Variants in MRAS observed in about 807,000 individuals in gnomAD.
MRAS encodes muscle RAS oncogene homolog, also known as ras-related protein M-Ras.
In MRAS, 4 loss-of-function variants were observed where a neutral mutation model predicts 20.9. The observed-to-expected ratio is 0.19, with a 90% CI of 0.09 to 0.44. The LOEUF (loss-of-function observed/expected upper bound fraction) is 0.44, where lower values mean the gene tolerates loss of function less well. Ranked by LOEUF, MRAS falls within the 20% of genes least tolerant of loss-of-function variation. The pLI is 0.99. For synonymous variants in MRAS, 98 were observed against 102.9 expected, an observed-to-expected ratio of 0.95 and a Z score of 0.29; for missense variants, 154 against 277.5, an observed-to-expected ratio of 0.56 and a Z score of 3.16.
chr3:138,396,164 A>G (rs891163870), intron 2 of MRAS, among the ~76,000 whole-genome samples: 6 of 152,064 alleles, frequency 3.9e-5, no homozygotes, highest in Non-Finnish European at 5.9e-5. Context: ...GGGAGAGAAG[A>G]CCCCAGTGAG....
intron 2 of MRAS, among the ~76,000 whole-genome samples, chr3:138,397,122 AC>A (rs1217958551): frequency 6.6e-6 from 1 of 152,096 alleles, no homozygotes; most frequent in Non-Finnish European, 1.5e-5. Flanking sequence ...TCAGAGCCTC[AC>A]CCTGAAGCGG....
intron 2 of MRAS, among the ~76,000 whole-genome samples, chr3:138,378,123 C>T (rs752772527): frequency 3.3e-4 from 50 of 152,194 alleles, no homozygotes; most frequent in Non-Finnish European, 6.6e-4. Context: ...GCTGAACTAT[C>T]ATACCTCTTC....
intron 1 of MRAS, among the ~76,000 whole-genome samples, chr3:138,361,382 A>G (rs1253076028): frequency 6.6e-6 from 1 of 152,074 alleles, no homozygotes; most frequent in Non-Finnish European, 1.5e-5. Context: ...ATAATGCTGG[A>G]GTGGTGGGTG....
intron 4 of MRAS, 136 bp downstream of exon 4, chr3:138,398,704 C>T (rs543411378): frequency 2.7e-6 from 2 of 727,354 alleles, no homozygotes; most frequent in African/African-American, 3.5e-5. Flanking sequence ...CTTGTTGCTA[C>T]TGAAATCCTG....
chr3:138,386,915 T>C (rs1173037955), intron 2 of MRAS, among the ~76,000 whole-genome samples: 1 of 152,246 alleles, frequency 6.6e-6, no homozygotes, highest in Non-Finnish European at 1.5e-5. Context: ...TTCAGTTCTC[T>C]TGGGTATATA....
At chr3:138,358,044 T>G (rs1367035171) in intron 1 of MRAS, among the ~76,000 whole-genome samples, 2 of 152,170 alleles carry the variant, frequency 1.3e-5, no homozygotes, top group Non-Finnish European at 2.9e-5. Flanking sequence ...CCTTGTCAGA[T>G]GTAAAGGGGT....
chr3:138,359,397 C>T (rs1271376134), intron 1 of MRAS, among the ~76,000 whole-genome samples: 1 of 152,122 alleles, frequency 6.6e-6, no homozygotes, highest in Non-Finnish European at 1.5e-5. Context: ...AGGAAGTTTC[C>T]CTTTTATTTG....
At chr3:138,379,515 G>A (rs1309334955) in intron 2 of MRAS, among the ~76,000 whole-genome samples, 5 of 151,882 alleles carry the variant, frequency 3.3e-5, no homozygotes, top group African/African-American at 4.8e-5. Context: ...CTGCCAACAC[G>A]CTCGGCTAAT....
intron 1 of MRAS, among the ~76,000 whole-genome samples, chr3:138,360,143 G>A (rs1056759703): frequency 1.3e-5 from 2 of 152,132 alleles, no homozygotes; most frequent in African/African-American, 4.8e-5. Context: ...AGCCTCTGCC[G>A]GCACGTGCAC....
chr3:138,359,103 C>G (rs557697611), intron 1 of MRAS, among the ~76,000 whole-genome samples: 77 of 152,304 alleles, frequency 5.1e-4, no homozygotes, highest in African/African-American at 1.4e-3. Flanking sequence ...CAATACTGAC[C>G]TTTGGACAGG....
Position 138,404,643 on chromosome 3 carries a change from C to G in MRAS, c.*2374C>G, listed in dbSNP as rs539820181. ...TGTTGAGCCTCTGGTAAGCTTTCAT[C>G]TCCCATGAACTCATTTCCCCATAAA... is the stretch of plus-strand genomic sequence containing the variant. On this transcript the variant is annotated 3_prime_UTR_variant, in exon 6 of 6. Transcript: ENST00000423968. 4 of 152,208 alleles carry G rather than the reference C, an allele frequency of 2.6e-5. No individual in the cohort carries two copies. The highest frequency in any genetic ancestry group is 5.9e-5 in the Non-Finnish European group (4 of 68,056). The allele number at this position is 152,208 out of a possible 1,614,324, so 9.4% of individuals were successfully genotyped here. A position where few individuals can be genotyped will look rare whatever the true frequency, so the allele number is the denominator to read the frequency against.
At chr3:138,350,079 A>G (rs2054196017) in intron 1 of MRAS, 2 of 152,326 alleles carry the variant, frequency 1.3e-5, no homozygotes, top group Admixed American at 6.5e-5. Flanking sequence ...ATTATTCACT[A>G]TAGACATTCA....
chr3:138,374,968 A>G (rs925468685), intron 2 of MRAS, among the ~76,000 whole-genome samples: 4 of 152,136 alleles, frequency 2.6e-5, no homozygotes, highest in African/African-American at 4.8e-5. Flanking sequence ...TGCAACCACA[A>G]AATACTGGGC....
chr3:138,369,453 C>T (rs567528984), intron 1 of MRAS, among the ~76,000 whole-genome samples: 2 of 152,146 alleles, frequency 1.3e-5, no homozygotes, highest in South Asian at 4.2e-4. Context: ...GGACCACAAA[C>T]CTGGTTGGGG....
rs1282551809 is a variant in MRAS, at chr3:138,404,110, T to C, written c.*1841T>C. 1 of 152,246 alleles carries C rather than the reference T, an allele frequency of 6.6e-6. No individual in the cohort carries two copies. The highest frequency in any genetic ancestry group is 1.5e-5 in the Non-Finnish European group (1 of 68,046). The allele number at this position is 152,246 out of a possible 1,614,324, so 9.4% of individuals were successfully genotyped here. On this transcript the variant is annotated 3_prime_UTR_variant, in exon 6 of 6. Coordinates refer to ENST00000423968, the MANE Select transcript of MRAS (RefSeq NM_001085049.3). Reference sequence around the variant, plus strand: ...CACTTCAAAGTTTCCTTAGACCCTATAGTGTTAAGAGGTATTTTAAACACT... The same window carrying C: ...CACTTCAAAGTTTCCTTAGACCCTACAGTGTTAAGAGGTATTTTAAACACT...
chr3:138,367,237 T>A (rs2054579018), intron 1 of MRAS, among the ~76,000 whole-genome samples: 1 of 152,184 alleles, frequency 6.6e-6, no homozygotes, highest in Admixed American at 6.5e-5. Flanking sequence ...ATGCCCTTGC[T>A]GAGGGGCCCT....
intron 1 of MRAS, among the ~76,000 whole-genome samples, chr3:138,357,976 A>T (rs1006971374): frequency 1.3e-5 from 2 of 152,198 alleles, no homozygotes; most frequent in Non-Finnish European, 2.9e-5. Context: ...CCAAATTTTC[A>T]TTACTTTTGA....
Position 138,397,420 on chromosome 3 carries a change from A to T in MRAS, c.290A>T (p.Lys97Met). Residue 97 changes from lysine (K) to methionine (M), a missense_variant, in exon 3 of 6, where the codon AAG becomes ATG. Around this residue, in one of 3 missense-constraint regions of MRAS, gnomAD observed 125 missense variants for 213.5 expected, o/e 0.59. Coordinates refer to ENST00000423968, the MANE Select transcript of MRAS (RefSeq NM_001085049.3). ...CTCATCGTCTACTCCGTCACTGACAAGGCCAGCTTTGAGCACGTGGACCGC... is the reference window on the plus strand; with the variant it reads ...CTCATCGTCTACTCCGTCACTGACATGGCCAGCTTTGAGCACGTGGACCGC... Reference protein sequence around the residue: ...GFLIVYSVTDKASFEHVDRFH... With the variant: ...GFLIVYSVTDMASFEHVDRFH... 1 of 1,614,210 alleles carries T rather than the reference A, an allele frequency of 6.2e-7. No individual in the cohort carries two copies. The highest frequency in any genetic ancestry group is 1.1e-5 in the South Asian group (1 of 91,088).
At chr3:138,349,543 C>G (rs2054185530) in intron 1 of MRAS, 1 of 152,444 alleles carries the variant, frequency 6.6e-6, no homozygotes, top group Admixed American at 6.5e-5. Context: ...GAGGTCTGTT[C>G]TGGCCTGGGG....
Sources: allele counts gnomAD v4.1 joint callset (sites outside exome capture counted in the v4.1 genomes callset), GRCh38; gene constraint gnomAD v4.1.1; regional missense constraint gnomAD v4.1.1; transcripts MANE v1.5; gene names NCBI Gene and HGNC (gene_info 2026-07-23, HGNC 2026-07-21).